ISLR2: variants seen among roughly 807,000 people sequenced by gnomAD.
ISLR2 encodes the protein immunoglobulin superfamily containing leucine-rich repeat protein 2.
In ISLR2, 16 loss-of-function variants were observed where a neutral mutation model predicts 25.5. That is an observed-to-expected ratio of 0.63 (90% confidence interval 0.43 to 0.95). The LOEUF is 0.95. Among genes scored for constraint, ISLR2 ranks in the 40% least tolerant of loss-of-function variants. The pLI, the probability that ISLR2 is intolerant of heterozygous loss-of-function variation, is 0.00. For missense variants in ISLR2, 883 were observed against 1,030.7 expected, an observed-to-expected ratio of 0.86 and a Z score of 1.96; for synonymous variants, 508 against 486.6, an observed-to-expected ratio of 1.04 and a Z score of -0.58.
intron 2 of ISLR2, among the ~76,000 whole-genome samples, chr15:74,120,478 A>T (rs1426600691): frequency 6.6e-6 from 1 of 150,698 alleles, no homozygotes; most frequent in Non-Finnish European, 1.5e-5. Flanking sequence ...GTCGAGATTG[A>T]ACCACTGCAA....
chr15:74,122,590 CT>C (rs1339088365), intron 2 of ISLR2, among the ~76,000 whole-genome samples: 1 of 152,232 alleles, frequency 6.6e-6, no homozygotes, highest in Non-Finnish European at 1.5e-5. Flanking sequence ...CCCCTTCTCT[CT>C]TCTGGTTGTT....
At chr15:74,109,180 CAT>C (rs1166132472) in intron 2 of ISLR2, among the ~76,000 whole-genome samples, 4 of 152,188 alleles carry the variant, frequency 2.6e-5, no homozygotes, top group Non-Finnish European at 5.9e-5. Flanking sequence ...CAGCTATAAA[CAT>C]AAGTTGCACA....
At chr15:74,106,112 G>T (rs1420689816) in intron 2 of ISLR2, among the ~76,000 whole-genome samples, 1 of 152,138 alleles carries the variant, frequency 6.6e-6, no homozygotes, top group South Asian at 2.1e-4. Flanking sequence ...GATCACTTGA[G>T]CCCAGGAGTT....
chr15:74,130,121 C>T (rs1194801812), upstream of ISLR2: 1 of 150,380 alleles, frequency 6.6e-6, no homozygotes, highest in Admixed American at 6.7e-5. Context: ...CTGGGCAGGG[C>T]TGCGGTGGGC....
Position 74,134,210 on chromosome 15 carries a change from C to G in ISLR2, c.1456C>G (p.Leu486Val). The G allele has an allele frequency of 6.2e-7, 1 of 1,608,256 alleles. No individual in the cohort carries two copies. The highest frequency in any genetic ancestry group is 8.5e-7 in the Non-Finnish European group (1 of 1,177,640). Residue 486 changes from leucine (L) to valine (V), a missense_variant, in exon 3 of 3, where the codon CTG becomes GTG. Physicochemically the swap from Leu to Val is conservative, Grantham distance 32 (BLOSUM62 1). Around this residue, in one of 2 missense-constraint regions of ISLR2, gnomAD observed 612 missense variants for 642.8 expected, o/e 0.95. Transcript: ENST00000453268. Reference protein sequence around the residue: ...SAELKPHVFELGVIALDVAER... With the variant: ...SAELKPHVFEVGVIALDVAER... ...AGAGCTCAAGCCGCACGTCTTCGAG[C>G]TGGGCGTCATCGCGCTGGATGTGGC...
In ISLR2 at chr15:74,111,281, C is replaced by CT. The variant is rs1157566074; in HGVS notation, n.228+7373dup. On this transcript the variant is annotated intron_variant and non_coding_transcript_variant, in intron 2 of 3. Coordinates refer to the ISLR2 transcript ENST00000561975. ...TGGGTGATTCCATTTATATAATGTT[C>CT]TTTTTTCGTTTGGTTTTTGTTTTGT... is the stretch of plus-strand genomic sequence containing the variant. Among the ~76,000 whole-genome samples the CT allele has an allele frequency of 2.0e-5, 3 of 150,636 alleles. No homozygotes were observed. In the East Asian group the frequency reaches 5.9e-4, roughly 29 times the overall value.
In ISLR2 at chr15:74,132,934, G is replaced by A. The variant is rs141584632; in HGVS notation, c.180G>A (p.Ala60=). ...ACGTGACGACGCTTAGTCTGTCCGC[G>A]AACAAGATCACTGTGCTGCGGCGCG... is the stretch of plus-strand genomic sequence containing the variant. ...PANVTTLSLS[A]NKITVLRRGA... The change falls in exon 3 of 3, where the codon GCG becomes GCA. Residue 60 remains alanine (A), a synonymous_variant. Transcript: ENST00000453268. This position sits in a 1 kb window ranked among gnomAD's most constrained non-coding sequence, Gnocchi z 4.3. The A allele has an allele frequency of 1.9e-6, 3 of 1,613,968 alleles. No homozygotes were observed. The highest frequency in any genetic ancestry group is 1.3e-5 in the African/African-American group (1 of 74,958).
Position 74,133,662 on chromosome 15 carries a change from AAGG to A in ISLR2, c.911_913del (p.Gly304del). ...GTTGGGGCGGAGGAAGGAGAGGGAG[AAGG>A]AGATGGGGATTTGCTGACGCAGACC... is the stretch of plus-strand genomic sequence containing the variant. On this transcript the variant is annotated inframe_deletion, in exon 3 of 3. Coordinates refer to ENST00000453268, the MANE Select transcript of ISLR2 (RefSeq NM_020851.3). 1.2e-6 allele frequency: 2 copies of A among 1,611,158 alleles called. No homozygotes were observed. The highest frequency in any genetic ancestry group is 4.5e-5 in the East Asian group (2 of 44,732).
chr15:74,139,190 G>C (rs116934115), downstream of ISLR2, among the ~76,000 whole-genome samples: 4 of 152,116 alleles, frequency 2.6e-5, no homozygotes, highest in Admixed American at 6.5e-5. Context: ...AGGCCCAAAG[G>C]CTCCAACCAC....
chr15:74,133,399 C>A lies in ISLR2; in HGVS notation c.645C>A (p.Pro215=). Residue 215 remains proline, a synonymous_variant, in exon 3 of 3, where the codon CCC becomes CCA. Transcript: ENST00000453268. ...ACTCCATTGCTTGTGCCTCGCCTCC[C>A]GCGCTGCAGGGGGTGCCGGTGTACC... The part of the protein sequence containing the change: ...EPDSIACASP[P]ALQGVPVYRL... 1 of 1,607,166 alleles carries A rather than the reference C, an allele frequency of 6.2e-7. No homozygotes were observed. Among genetic ancestry groups the A allele is most frequent in the South Asian group, 1.1e-5 (1 of 91,040 alleles).
In ISLR2 at chr15:74,133,548, A is replaced by G; in HGVS notation, c.794A>G (p.His265Arg). ...GTGTTACACTGCATCGCCGACGGCC[A>G]CCCTACGCCTCGCCTGCAATGGCAA... is the stretch of plus-strand genomic sequence containing the variant. ...AFVLHCIADGHPTPRLQWQLQ... is the reference protein window; with the variant it reads ...AFVLHCIADGRPTPRLQWQLQ... Residue 265 changes from histidine to arginine, a missense_variant, in exon 3 of 3, where the codon CAC (histidine) becomes CGC (arginine). This residue lies in a region of ISLR2 where 271 missense variants were observed against 387.9 expected (regional missense o/e 0.70). Coordinates refer to ENST00000453268, the MANE Select transcript of ISLR2 (RefSeq NM_020851.3). 6.2e-7 allele frequency: 1 copy of G among 1,614,042 alleles called. No individual in the cohort carries two copies. The highest frequency in any genetic ancestry group is 1.1e-5 in the South Asian group (1 of 91,080).
At chr15:74,112,404 C>A (rs2072174949) in intron 2 of ISLR2, among the ~76,000 whole-genome samples, 1 of 152,178 alleles carries the variant, frequency 6.6e-6, no homozygotes, top group African/African-American at 2.4e-5. Context: ...AAAATCATTT[C>A]TCTAAATTCT....
Position 74,132,759 on chromosome 15 carries a change from T to C in ISLR2, c.5T>C (p.Phe2Ser), listed in dbSNP as rs746108216. The C allele has an allele frequency of 6.2e-7, 1 of 1,605,776 alleles. No homozygotes were observed. The highest frequency in any genetic ancestry group is 8.5e-7 in the Non-Finnish European group (1 of 1,173,148). ...CTTCCATCTGCAGGAGCCGCGATGT[T>C]CCCCCTTCGGGCCCTGTGGTTGGTC... M[F>S]PLRALWLVWA... The change falls in exon 3 of 3, where the codon TTC becomes TCC. Residue 2 changes from phenylalanine (F) to serine (S), a missense_variant. Phe to Ser is a radical substitution (Grantham distance 155). Coordinates refer to ENST00000453268, the MANE Select transcript of ISLR2 (RefSeq NM_020851.3). This position sits in a 1 kb window ranked among gnomAD's most constrained non-coding sequence, Gnocchi z 4.3.
chr15:74,121,791 A>T (rs1345141390), intron 2 of ISLR2, among the ~76,000 whole-genome samples: 1 of 152,156 alleles, frequency 6.6e-6, no homozygotes, highest in East Asian at 1.9e-4. Flanking sequence ...ACATGCCAGG[A>T]TCCACCTCAG....
chr15:74,141,225 G>A (rs984771107), downstream of ISLR2, among the ~76,000 whole-genome samples: 1 of 152,204 alleles, frequency 6.6e-6, no homozygotes, highest in African/African-American at 2.4e-5. Flanking sequence ...GAGAAAAAGT[G>A]TTTGTATTTT....
Position 74,134,292 on chromosome 15 carries a change from C to G in ISLR2, c.1538C>G (p.Pro513Arg). The G allele has an allele frequency of 6.5e-7, 1 of 1,540,824 alleles. No individual in the cohort carries two copies. Among genetic ancestry groups the G allele is most frequent in the Non-Finnish European group, 8.7e-7 (1 of 1,143,952 alleles). ...CTGGCTGCGCGCTGGGGCCCTGGGCCCGGCGGGGCTGGCGGAGCCCCGCGA... is the reference window on the plus strand; with the variant it reads ...CTGGCTGCGCGCTGGGGCCCTGGGCGCGGCGGGGCTGGCGGAGCCCCGCGA... ...TPLAARWGPG[P>R]GGAGGAPRPG... Residue 513 changes from proline to arginine, a missense_variant, in exon 3 of 3, where the codon CCC (proline) becomes CGC (arginine). This residue lies in a region of ISLR2 where 612 missense variants were observed against 642.8 expected (regional missense o/e 0.95). Transcript: ENST00000453268.
intron 2 of ISLR2, among the ~76,000 whole-genome samples, chr15:74,115,906 A>C (rs536723867): frequency 2.1e-4 from 32 of 151,674 alleles, no homozygotes; most frequent in South Asian, 1.0e-3. Context: ...AAAAAAAAAA[A>C]AACAACACAG....
upstream of ISLR2, chr15:74,127,840 C>G (rs1416165077): frequency 4.6e-5 from 7 of 152,560 alleles, no homozygotes; most frequent in Admixed American, 4.6e-4. Flanking sequence ...AGTTAAGGGT[C>G]GATCCGCAGA....
At position 74,113,651 on chromosome 15, in the gene ISLR2, G is replaced by A. The variant is rs569803937; in HGVS notation, n.228+9737G>A. Among the ~76,000 whole-genome samples, 70 of 152,142 alleles carry A rather than the reference G, an allele frequency of 4.6e-4. 4 individuals are homozygous for A. Among genetic ancestry groups the A allele is most frequent in the Non-Finnish European group, 1.3e-4 (9 of 68,008 alleles). On this transcript the variant is annotated intron_variant and non_coding_transcript_variant, in intron 2 of 3. Coordinates refer to the ISLR2 transcript ENST00000561975. ...GGTTAACTTGATCTTGAGTGTCAAG[G>A]CTACATTTTAGGTTTTGTTAGGGTG... is the stretch of plus-strand genomic sequence containing the variant.
Sources: allele counts gnomAD v4.1 joint callset (sites outside exome capture counted in the v4.1 genomes callset), GRCh38; gene constraint gnomAD v4.1.1; regional missense constraint gnomAD v4.1.1; non-coding constraint Gnocchi (gnomAD v3.1); transcripts MANE v1.5; gene names NCBI Gene and HGNC (gene_info 2026-07-23, HGNC 2026-07-21).